The following DNAJC1 variants were observed in gnomAD, a reference collection of about 807,000 sequenced individuals.
DNAJC1 encodes DnaJ heat shock protein family (Hsp40) member C1, also known as dnaJ homolog subfamily C member 1.
In DNAJC1, 58 loss-of-function variants were observed where a neutral mutation model predicts 76.6. That is an observed-to-expected ratio of 0.76 (90% CI 0.61 to 0.94). DNAJC1 has a LOEUF of 0.94. DNAJC1 is among the 40% of genes least tolerant of loss of function. The pLI, the probability that DNAJC1 is intolerant of heterozygous loss-of-function variation, is 0.00. For synonymous variants in DNAJC1, 258 were observed against 267.9 expected (o/e 0.96, Z 0.36); for missense variants, 689 against 677.3 (o/e 1.02, Z -0.19).
chr10:21,991,631 C>A (rs1838327942), intron 1 of DNAJC1, among the ~76,000 whole-genome samples: 2 of 152,140 alleles, frequency 1.3e-5, no homozygotes, highest in Admixed American at 6.5e-5. Context: ...AAACAATAAT[C>A]AGTGATTTTA....
intron 10 of DNAJC1, among the ~76,000 whole-genome samples, 165 bp downstream of exon 10, chr10:21,766,096 T>C (rs887800607): frequency 6.6e-5 from 10 of 152,242 alleles, no homozygotes; most frequent in Non-Finnish European, 7.3e-5. Flanking sequence ...AGGGCTGGAC[T>C]GGCTTGCTGG....
At chr10:21,861,031 A>G (rs1835910738) in intron 8 of DNAJC1, 1 of 151,144 alleles carries the variant, frequency 6.6e-6, no homozygotes, top group African/African-American at 2.5e-5. Context: ...GTATGACCTC[A>G]TTTAATTACA....
chr10:21,890,512 T>C (rs1836445239), intron 7 of DNAJC1, among the ~76,000 whole-genome samples: 1 of 151,792 alleles, frequency 6.6e-6, no homozygotes, highest in South Asian at 2.1e-4. Context: ...CCATATAATG[T>C]CAGTGGAGAT....
At chr10:21,763,294 T>C (rs1834261387) in intron 10 of DNAJC1, among the ~76,000 whole-genome samples, 1 of 152,222 alleles carries the variant, frequency 6.6e-6, no homozygotes, top group African/African-American at 2.4e-5. Flanking sequence ...TTCACATTCA[T>C]TGTTAAAAAT....
At chr10:21,826,317 ACTCT>A (rs146019694) in intron 8 of DNAJC1, among the ~76,000 whole-genome samples, 7 of 147,876 alleles carry the variant, frequency 4.7e-5, no homozygotes, top group Middle Eastern at 3.5e-3. Flanking sequence ...GTGCATTTTT[ACTCT>A]CTCTCTCTTT....
chr10:21,813,366 C>A (rs1239941948), intron 8 of DNAJC1, among the ~76,000 whole-genome samples: 1 of 147,112 alleles, frequency 6.8e-6, no homozygotes, highest in Non-Finnish European at 1.5e-5. Flanking sequence ...GACATTGTCT[C>A]CCTCAAGGTC....
chr10:21,842,500 C>T (rs942340705), intron 8 of DNAJC1, among the ~76,000 whole-genome samples: 2 of 152,134 alleles, frequency 1.3e-5, no homozygotes, highest in African/African-American at 4.8e-5. Flanking sequence ...GTTACAAGTA[C>T]AGATATGAGA....
intron 9 of DNAJC1, among the ~76,000 whole-genome samples, chr10:21,790,642 C>T (rs897558181): frequency 2.6e-5 from 4 of 152,058 alleles, no homozygotes; most frequent in African/African-American, 9.7e-5. Flanking sequence ...ACAAGAAATG[C>T]TCAAGGAAGT....
chr10:21,840,259 A>T (rs1200124167), intron 8 of DNAJC1, among the ~76,000 whole-genome samples: 1 of 152,206 alleles, frequency 6.6e-6, no homozygotes. Context: ...CAGGGCAATC[A>T]GGCAGGAGAA....
intron 8 of DNAJC1, among the ~76,000 whole-genome samples, chr10:21,813,080 C>CAT (rs1315709144): frequency 1.0e-5 from 1 of 95,588 alleles, no homozygotes; most frequent in Non-Finnish European, 2.0e-5. Flanking sequence ...CATATATATA[C>CAT]ATATATACAC....
intron 7 of DNAJC1, among the ~76,000 whole-genome samples, chr10:21,890,603 A>G (rs1836446405): frequency 6.6e-6 from 1 of 152,062 alleles, no homozygotes; most frequent in South Asian, 2.1e-4. Flanking sequence ...GCAAGCAGGA[A>G]TATCTATACC....
At chr10:21,978,885 T>C (rs1191282120) in intron 1 of DNAJC1, among the ~76,000 whole-genome samples, 1 of 152,052 alleles carries the variant, frequency 6.6e-6, no homozygotes, top group Non-Finnish European at 1.5e-5. Context: ...AATACATATA[T>C]AGGAAATACC....
At chr10:21,807,001 G>A (rs972610211) in intron 8 of DNAJC1, among the ~76,000 whole-genome samples, 11 of 151,912 alleles carry the variant, frequency 7.2e-5, no homozygotes, top group East Asian at 1.9e-4. Context: ...AAATAACCAC[G>A]TTACAATTAT....
chr10:21,912,489 T>C (rs972911434), intron 6 of DNAJC1, among the ~76,000 whole-genome samples: 2 of 152,172 alleles, frequency 1.3e-5, no homozygotes, highest in African/African-American at 4.8e-5. Flanking sequence ...CTCTGTCTTA[T>C]GTTGTAAGGT....
chr10:21,765,886 T>G (rs1035846284), intron 10 of DNAJC1, among the ~76,000 whole-genome samples: 4 of 152,106 alleles, frequency 2.6e-5, no homozygotes, highest in Non-Finnish European at 4.4e-5. Flanking sequence ...TGTTAGCCAT[T>G]TATCCCAAAG....
chr10:21,769,683 C>A (rs1834350949), intron 9 of DNAJC1, among the ~76,000 whole-genome samples: 1 of 151,706 alleles, frequency 6.6e-6, no homozygotes, highest in Non-Finnish European at 1.5e-5. Context: ...ATCAGTTTTT[C>A]TTTTCTTTTC....
At chr10:21,794,387 G>C (rs1009576443) in intron 9 of DNAJC1, among the ~76,000 whole-genome samples, 2 of 151,298 alleles carry the variant, frequency 1.3e-5, no homozygotes, top group African/African-American at 4.9e-5. Context: ...AAACACTGTA[G>C]ACAGAACTTG....
At chr10:21,805,271 C>T (rs1214280614) in intron 9 of DNAJC1, among the ~76,000 whole-genome samples, 1 of 151,794 alleles carries the variant, frequency 6.6e-6, no homozygotes, top group African/African-American at 2.4e-5. Context: ...AATATTTTTT[C>T]TCAATTTCAA....
intron 1 of DNAJC1, among the ~76,000 whole-genome samples, chr10:21,996,630 C>A (rs143301055): frequency 6.6e-6 from 1 of 152,004 alleles, no homozygotes; most frequent in Non-Finnish European, 1.5e-5. Context: ...ACAAAAGATA[C>A]AATATTCTAA....
Sources: allele counts gnomAD v4.1 joint callset (sites outside exome capture counted in the v4.1 genomes callset), GRCh38; gene constraint gnomAD v4.1.1; transcripts MANE v1.5; gene names NCBI Gene and HGNC (gene_info 2026-07-23, HGNC 2026-07-21).